Variants in PPP3CA observed in about 807,000 individuals in gnomAD.
The protein encoded by PPP3CA is CAM-PRP catalytic subunit.
PPP3CA carries 14 observed loss-of-function variants against 66.5 expected under a neutral mutation model. The observed-to-expected ratio is 0.21, with a 90% CI of 0.14 to 0.33. PPP3CA has a LOEUF of 0.33. PPP3CA is among the 10% of genes least tolerant of loss of function. The probability of loss-of-function intolerance (pLI) is 1.00; values close to 1 mark genes in which losing one functional copy is unlikely to be tolerated. For synonymous variants in PPP3CA, 232 were observed against 226.2 expected (o/e 1.03, Z -0.23); for missense variants, 317 against 639.5 (o/e 0.50, Z 5.44).
At chr4:101,065,942 T>C (rs1304724943) in intron 8 of PPP3CA, among the ~76,000 whole-genome samples, 3 of 152,128 alleles carry the variant, frequency 2.0e-5, no homozygotes, top group Non-Finnish European at 4.4e-5. Flanking sequence ...GCAAATATTG[T>C]TTTCAGATTT....
chr4:101,118,713 C>CT (rs1721926095), intron 2 of PPP3CA, among the ~76,000 whole-genome samples: 1 of 151,640 alleles, frequency 6.6e-6, no homozygotes, highest in Non-Finnish European at 1.5e-5. Context: ...GTGATGCCTT[C>CT]TTTTTAAATT....
chr4:101,261,859 C>A (rs1393316349), intron 1 of PPP3CA, among the ~76,000 whole-genome samples: 1 of 151,582 alleles, frequency 6.6e-6, no homozygotes, highest in African/African-American at 2.4e-5. Context: ...CCTCTCCCCC[C>A]ACCCAAAAAA....
At chr4:101,112,055 G>A (rs1200712458) in intron 2 of PPP3CA, among the ~76,000 whole-genome samples, 1 of 151,874 alleles carries the variant, frequency 6.6e-6, no homozygotes, top group Non-Finnish European at 1.5e-5. Flanking sequence ...AAGATTCAAG[G>A]ATAATTGATT....
intron 1 of PPP3CA, among the ~76,000 whole-genome samples, chr4:101,337,180 C>T (rs541424965): frequency 6.6e-6 from 1 of 152,294 alleles, no homozygotes; most frequent in East Asian, 1.9e-4. Context: ...ATGTTAAATG[C>T]CCCTAACTGG....
chr4:101,345,528 G>A (rs1226091803), intron 1 of PPP3CA, among the ~76,000 whole-genome samples: 1 of 152,002 alleles, frequency 6.6e-6, no homozygotes, highest in African/African-American at 2.4e-5. Flanking sequence ...CCCGCTCCCC[G>A]CACAGCTCAT....
chr4:101,125,686 T>C (rs1459111010), intron 2 of PPP3CA, among the ~76,000 whole-genome samples: 11 of 152,206 alleles, frequency 7.2e-5, no homozygotes, highest in Non-Finnish European at 1.6e-4. Context: ...ATAAAGATCA[T>C]TGCAGTAGCC....
In PPP3CA at chr4:101,156,683, A is replaced by G. The variant is rs925519209; in HGVS notation, c.259+39233T>C. ...GAAACTGTGTCTCAAAAAAAAAAGA[A>G]AGAAAGAAAGAAAGAGAAAGCCATA... On this transcript the variant is annotated intron_variant, in intron 2 of 13. Coordinates refer to ENST00000394854, the MANE Select transcript of PPP3CA (RefSeq NM_000944.5). Among the ~76,000 whole-genome samples the G allele has an allele frequency of 4.8e-5, 5 of 103,762 alleles. No homozygotes were observed. In the East Asian group the frequency reaches 1.8e-3, roughly 38 times the overall value. The allele number at this position is 103,762 out of a possible 152,430, so 68.1% of individuals were successfully genotyped here.
chr4:101,188,933 C>A (rs750834530), intron 2 of PPP3CA, among the ~76,000 whole-genome samples: 13 of 152,050 alleles, frequency 8.5e-5, no homozygotes, highest in Admixed American at 3.9e-4. Flanking sequence ...ACTTTATATA[C>A]CAAGACAGTA....
intron 3 of PPP3CA, among the ~76,000 whole-genome samples, chr4:101,103,587 T>C (rs1730538634): frequency 2.0e-5 from 3 of 152,188 alleles, no homozygotes; most frequent in Admixed American, 1.3e-4. Flanking sequence ...GCATGGAACA[T>C]TGTCTGGTTT....
At chr4:101,074,536 T>G (rs1303105508) in intron 8 of PPP3CA, among the ~76,000 whole-genome samples, 6 of 152,186 alleles carry the variant, frequency 3.9e-5, no homozygotes, top group Non-Finnish European at 8.8e-5. Context: ...TCGGATATGT[T>G]ACATCTGCTC....
chr4:101,278,149 T>TAAAAAAAAAAAAAAAAAAAAAAA (rs1200528599), intron 1 of PPP3CA, among the ~76,000 whole-genome samples: 38 of 119,508 alleles, frequency 3.2e-4, no homozygotes, highest in African/African-American at 1.3e-3. Context: ...ATAAAAAAAT[T>TAAAAAAAAAAAAAAAAAAAAAAA]AAAAAGTTAT....
chr4:101,079,388 T>C (rs1578426404), intron 8 of PPP3CA, among the ~76,000 whole-genome samples: 2 of 151,480 alleles, frequency 1.3e-5, no homozygotes, highest in African/African-American at 4.8e-5. Flanking sequence ...TCTTTTTTTT[T>C]TTTTTTTTGA....
chr4:101,088,576 C>A (rs1198090941), intron 6 of PPP3CA, among the ~76,000 whole-genome samples: 3 of 120,092 alleles, frequency 2.5e-5, no homozygotes, highest in African/African-American at 1.0e-4. Flanking sequence ...CAGAGCAAGA[C>A]TCCATCTCAA....
At chr4:101,145,395 AAT>A (rs2110294415) in intron 2 of PPP3CA, among the ~76,000 whole-genome samples, 1 of 152,318 alleles carries the variant, frequency 6.6e-6, no homozygotes, top group Admixed American at 6.5e-5. Context: ...TCAACAGATG[AAT>A]GGATAAAGAA....
intron 1 of PPP3CA, among the ~76,000 whole-genome samples, chr4:101,276,396 A>G (rs1423793428): frequency 1.3e-5 from 2 of 152,310 alleles, no homozygotes; most frequent in East Asian, 3.9e-4. Flanking sequence ...TCAACTTTTT[A>G]TTTAATAAAA....
At chr4:101,145,447 A>G (rs1722939660) in intron 2 of PPP3CA, among the ~76,000 whole-genome samples, 2 of 152,198 alleles carry the variant, frequency 1.3e-5, no homozygotes, top group African/African-American at 4.8e-5. Context: ...ATTTAGCCAT[A>G]AAAAAGAATG....
intron 2 of PPP3CA, among the ~76,000 whole-genome samples, chr4:101,188,384 T>C (rs1041388905): frequency 6.6e-6 from 1 of 152,106 alleles, no homozygotes; most frequent in African/African-American, 2.4e-5. Context: ...TTCCTACTAC[T>C]CTTCATATTA....
intron 10 of PPP3CA, 122 bp from the exon 11 acceptor site, chr4:101,040,688 A>C (rs1388633058): frequency 4.3e-6 from 3 of 697,594 alleles, no homozygotes; most frequent in East Asian, 6.1e-5. Context: ...TTTCCCCCTT[A>C]AGAGGATTTA....
chr4:101,245,189 C>T (rs1726438926), intron 1 of PPP3CA, among the ~76,000 whole-genome samples: 1 of 152,078 alleles, frequency 6.6e-6, no homozygotes, highest in Non-Finnish European at 1.5e-5. Context: ...GGACAATTTC[C>T]AACATGGAAC....
Sources: gnomAD v4.1 joint callset for allele counts (sites outside exome capture counted in the v4.1 genomes callset) on GRCh38, gnomAD v4.1.1 for gene constraint, MANE v1.5 for transcripts, NCBI Gene and HGNC (gene_info 2026-07-23, HGNC 2026-07-21) for gene names.